Variants in ZC3H12B observed in about 807,000 individuals in gnomAD.
ZC3H12B encodes zinc finger CCCH-type containing 12B, also known as probable ribonuclease ZC3H12B.
Under a neutral mutation model 43.9 loss-of-function variants are expected in ZC3H12B, and 7 were observed. The ratio of observed to expected loss-of-function variants is 0.16; its 90% CI spans 0.09 to 0.30. The LOEUF (loss-of-function observed/expected upper bound fraction) is 0.30, where lower values mean the gene tolerates loss of function less well. Among genes scored for constraint, ZC3H12B ranks in the 10% least tolerant of loss-of-function variants. ZC3H12B has a pLI of 1.00. For synonymous variants in ZC3H12B, 222 were observed against 241.7 expected, an observed-to-expected ratio of 0.92 and a Z score of 0.76; for missense variants, 475 against 670.2, an observed-to-expected ratio of 0.71 and a Z score of 3.22.
chrX:65,109,932 C>T, the ZC3H12B span, among the ~76,000 whole-genome samples: 1 of 111,467 alleles, frequency 9.0e-6, no homozygotes, highest in African/African-American at 3.2e-5. Flanking sequence ...TTGCATTTCC[C>T]TAATGAGCAA....
At chrX:65,502,929 C>A (rs777837819) in exon 5 of ZC3H12B, 1 of 1,211,863 alleles carries the variant, frequency 8.3e-7, no homozygotes, top group Non-Finnish European at 1.1e-6. Context: ...GGCTACCACT[C>A]CTATCCCTTG....
At chrX:65,230,016 C>T in the ZC3H12B span, among the ~76,000 whole-genome samples, 5 of 111,073 alleles carry the variant, frequency 4.5e-5, no homozygotes, top group Admixed American at 9.5e-5. Context: ...ACCATTTGAC[C>T]CAGCCATCCC....
chrX:65,382,889 C>T (rs888407982), intron 2 of ZC3H12B, among the ~76,000 whole-genome samples: 1 of 110,926 alleles, frequency 9.0e-6, no homozygotes, highest in Admixed American at 9.6e-5. Context: ...AGGAATCCAA[C>T]TTACAAGGGA....
At chrX:65,361,158 A>G in the ZC3H12B span, among the ~76,000 whole-genome samples, 2 of 112,112 alleles carry the variant, frequency 1.8e-5, no homozygotes, top group Admixed American at 1.9e-4. Context: ...AAAGAAAGCC[A>G]TAGCCTTAGA....
chrX:65,167,039 T>C, the ZC3H12B span, among the ~76,000 whole-genome samples: 3 of 112,228 alleles, frequency 2.7e-5, no homozygotes, highest in Admixed American at 2.8e-4. Flanking sequence ...AGAAGCCCTT[T>C]ATTTTAATTA....
At chrX:65,165,891 A>C in the ZC3H12B span, among the ~76,000 whole-genome samples, 1 of 112,151 alleles carries the variant, frequency 8.9e-6, no homozygotes, top group Non-Finnish European at 1.9e-5. Flanking sequence ...ACAAAGGTTG[A>C]TCTAATTTAC....
chrX:65,235,677 A>G, the ZC3H12B span, among the ~76,000 whole-genome samples: 3 of 111,200 alleles, frequency 2.7e-5, no homozygotes, highest in Non-Finnish European at 3.8e-5. Context: ...CTGTATCTAT[A>G]TCAGGGAAAC....
the ZC3H12B span, among the ~76,000 whole-genome samples, chrX:65,156,885 G>C: frequency 9.0e-6 from 1 of 111,516 alleles, no homozygotes; most frequent in Non-Finnish European, 1.9e-5. Context: ...AACATTTTTA[G>C]CACATCATCT....
At chrX:65,398,442 T>A (rs925606987) in intron 2 of ZC3H12B, among the ~76,000 whole-genome samples, 151 bp from the exon 5 acceptor site, 7 of 111,962 alleles carry the variant, frequency 6.3e-5, no homozygotes, top group Non-Finnish European at 1.1e-4. Context: ...AATCCCCATG[T>A]GTCAGGGAAG....
At chrX:65,133,700 A>C in the ZC3H12B span, among the ~76,000 whole-genome samples, 2 of 110,674 alleles carry the variant, frequency 1.8e-5, no homozygotes, top group African/African-American at 6.6e-5. Context: ...GAATTGAGAC[A>C]TGGCTTGGCC....
At chrX:65,261,288 C>A in the ZC3H12B span, among the ~76,000 whole-genome samples, 12 of 111,484 alleles carry the variant, frequency 1.1e-4, no homozygotes, top group African/African-American at 3.9e-4. Context: ...TCATTTGGGA[C>A]CTTGCACAGA....
At chrX:65,135,275 A>C in the ZC3H12B span, among the ~76,000 whole-genome samples, 1 of 111,228 alleles carries the variant, frequency 9.0e-6, no homozygotes, top group Non-Finnish European at 1.9e-5. Flanking sequence ...ATTTTTGCTT[A>C]AACTCTCAAA....
the ZC3H12B span, among the ~76,000 whole-genome samples, chrX:65,156,326 G>T: frequency 9.0e-6 from 1 of 111,085 alleles, no homozygotes; most frequent in Non-Finnish European, 1.9e-5. Flanking sequence ...TCAGCCTCTC[G>T]AGCAGCTGGT....
At chrX:65,324,038 GTTGT>G in the ZC3H12B span, among the ~76,000 whole-genome samples, 2 of 111,720 alleles carry the variant, frequency 1.8e-5, no homozygotes, top group Non-Finnish European at 1.9e-5. Context: ...TTTTGATAAG[GTTGT>G]TTGTTTTTTT....
the ZC3H12B span, among the ~76,000 whole-genome samples, chrX:65,233,274 A>G: frequency 8.9e-6 from 1 of 111,785 alleles, no homozygotes; most frequent in Non-Finnish European, 1.9e-5. Context: ...GGAACATTTT[A>G]TCCAACAGCT....
chrX:65,320,120 G>A, the ZC3H12B span, among the ~76,000 whole-genome samples: 3 of 111,269 alleles, frequency 2.7e-5, no homozygotes, highest in South Asian at 7.6e-4. Context: ...CCTGTTGGCA[G>A]ACGACATGAT....
At chrX:65,072,112 G>A in the ZC3H12B span, among the ~76,000 whole-genome samples, 17 of 111,660 alleles carry the variant, frequency 1.5e-4, no homozygotes, top group South Asian at 1.1e-3. Flanking sequence ...GTCTCTTTAC[G>A]TAATCTCATA....
the ZC3H12B span, among the ~76,000 whole-genome samples, chrX:65,165,096 T>A: frequency 9.0e-6 from 1 of 111,610 alleles, no homozygotes; most frequent in Non-Finnish European, 1.9e-5. Context: ...TGTAGAAATT[T>A]TCAAACAAAT....
chrX:65,279,316 G>A, the ZC3H12B span, among the ~76,000 whole-genome samples: 1 of 48,397 alleles, frequency 2.1e-5, no homozygotes, highest in Admixed American at 2.3e-4. Context: ...TTTTTTTTTT[G>A]CTTTTTAACA....
Sources: gnomAD v4.1 joint callset for allele counts (sites outside exome capture counted in the v4.1 genomes callset) on GRCh38, gnomAD v4.1.1 for gene constraint, MANE v1.5 for transcripts, NCBI Gene and HGNC (gene_info 2026-07-23, HGNC 2026-07-21) for gene names.